ECH1: variants seen among roughly 807,000 people sequenced by gnomAD.
ECH1 encodes the protein delta(3,5)-Delta(2,4)-dienoyl-CoA isomerase, mitochondrial.
In ECH1, 30 loss-of-function variants were observed where a neutral mutation model predicts 37.0. The ratio of observed to expected loss-of-function variants is 0.81; its 90% CI spans 0.61 to 1.10. The LOEUF (loss-of-function observed/expected upper bound fraction) is 1.10, where lower values mean the gene tolerates loss of function less well. Ranked by LOEUF, ECH1 falls within the 50% of genes least tolerant of loss-of-function variation. The pLI, the probability that ECH1 is intolerant of heterozygous loss-of-function variation, is 0.00. For missense variants in ECH1, 456 were observed against 441.6 expected, an observed-to-expected ratio of 1.03 and a Z score of -0.29; for synonymous variants, 178 against 176.0, an observed-to-expected ratio of 1.01 and a Z score of -0.09.
rs372148566 is a variant in ECH1, at chr19:38,819,220, T to G, written c.350-1645A>C. 28 of 985,262 alleles carry G rather than the reference T, an allele frequency of 2.8e-5. No homozygotes were observed. The African/African-American group carries it at 4.0e-4, about 14-fold the overall frequency. 61.0% of individuals were successfully genotyped at this position (985,262 alleles called of 1,614,324 possible). A position where few individuals can be genotyped will look rare whatever the true frequency, so the allele number is the denominator to read the frequency against. On this transcript the variant is annotated intron_variant, in intron 3 of 9. Coordinates refer to ENST00000221418, the MANE Select transcript of ECH1 (RefSeq NM_001398.3). ...GTGCAGTGGTACAGAATCTTCTCAT[T>G]GAGAAGGTGACCTTGAGTAAAGACC...
chr19:38,817,770 T>A (rs1400760926), intron 3 of ECH1, 195 bp from the exon 4 acceptor site: 1 of 983,734 alleles, frequency 1.0e-6, no homozygotes, highest in African/African-American at 1.8e-5. Flanking sequence ...ATTTGTGGAG[T>A]CATTACTCAC....
At chr19:38,828,418 G>A (rs1052537226) in intron 3 of ECH1, among the ~76,000 whole-genome samples, 1 of 151,282 alleles carries the variant, frequency 6.6e-6, no homozygotes, top group Non-Finnish European at 1.5e-5. Flanking sequence ...TTTTAGTACA[G>A]ACGGGGTTTC....
intron 3 of ECH1, among the ~76,000 whole-genome samples, chr19:38,824,188 G>A (rs1227469626): frequency 1.3e-5 from 2 of 152,176 alleles, no homozygotes; most frequent in African/African-American, 4.8e-5. Context: ...CATCTTTATA[G>A]GACAGGGGTA....
chr19:38,818,924 T>C (rs982674975), intron 3 of ECH1, among the ~76,000 whole-genome samples: 4 of 127,404 alleles, frequency 3.1e-5, no homozygotes, highest in Non-Finnish European at 5.1e-5. Flanking sequence ...TGTGTGTGTG[T>C]GTGTGTGTGC....
chr19:38,825,586 T>C (rs914550401), intron 3 of ECH1, among the ~76,000 whole-genome samples: 1 of 152,158 alleles, frequency 6.6e-6, no homozygotes, highest in African/African-American at 2.4e-5. Flanking sequence ...CAGTGTTCTA[T>C]AATAGGGACC....
intron 3 of ECH1, among the ~76,000 whole-genome samples, chr19:38,823,693 C>T (rs904262995): frequency 5.9e-5 from 9 of 152,218 alleles, no homozygotes; most frequent in Non-Finnish European, 4.4e-5. Context: ...ACAACAAGTT[C>T]GTTGACCCTG....
chr19:38,815,446 T>C lies in ECH1; in HGVS notation c.*167A>G, dbSNP rs1138526. 2 of 644,306 alleles carry C rather than the reference T, an allele frequency of 3.1e-6. No individual in the cohort carries two copies. Among genetic ancestry groups the C allele is most frequent in the African/African-American group, 3.7e-5 (2 of 54,756 alleles). 39.9% of individuals were successfully genotyped at this position (644,306 alleles called of 1,614,324 possible). A position where few individuals can be genotyped will look rare whatever the true frequency, so the allele number is the denominator to read the frequency against. On this transcript the variant is annotated 3_prime_UTR_variant, in exon 10 of 10. Coordinates refer to ENST00000221418, the MANE Select transcript of ECH1 (RefSeq NM_001398.3). ...GTTCTTTACTTTGCTTTATTGTTTGTGGGGTGAAGATAAGGCCTTGGGCTT... is the reference window on the plus strand; with the variant it reads ...GTTCTTTACTTTGCTTTATTGTTTGCGGGGTGAAGATAAGGCCTTGGGCTT...
At position 38,815,925 on chromosome 19, in the gene ECH1, C is replaced by A. The variant is rs775929230; in HGVS notation, c.814G>T (p.Val272Leu). Residue 272 changes from valine (V) to leucine (L), a missense_variant, in exon 9 of 10, where the codon GTG becomes TTG. Transcript: ENST00000221418. ...AGCAGGTTGACCTTGGTGCTCTGCA[C>A]CGCCACGGGGCTCTTGCTGGAAATC... ...AEISSKSPVAVQSTKVNLLYS... is the reference protein window; with the variant it reads ...AEISSKSPVALQSTKVNLLYS... 6.2e-7 allele frequency: 1 copy of A among 1,614,186 alleles called. No homozygotes were observed. The highest frequency in any genetic ancestry group is 8.5e-7 in the Non-Finnish European group (1 of 1,180,032).
intron 3 of ECH1, chr19:38,818,162 G>GT (rs1971606662): frequency 1.1e-6 from 1 of 932,356 alleles, no homozygotes; most frequent in Non-Finnish European, 1.3e-6. Context: ...CGCATCAGAA[G>GT]TAGGATTTTA....
chr19:38,817,831 C>T (rs1971602733), intron 3 of ECH1: 1 of 897,130 alleles, frequency 1.1e-6, no homozygotes, highest in Non-Finnish European at 1.3e-6. Context: ...ATTTGTGTTA[C>T]CAATGGGTAA....
chr19:38,831,732 A>T lies in ECH1; in HGVS notation c.41T>A (p.Leu14Gln), dbSNP rs1406930662. Residue 14 changes from leucine (L) to glutamine (Q), a missense_variant, in exon 1 of 10, where the codon CTA becomes CAA. Physicochemically the swap from Leu to Gln is moderately radical, Grantham distance 113. Coordinates refer to ENST00000221418, the MANE Select transcript of ECH1 (RefSeq NM_001398.3). ...GIVASRRLRD[L>Q]LTRRLTGSNY... Reference sequence around the variant, plus strand: ...AAGAGGTGACTCACGCCGGGTCAGTAGGTCGCGGAGTCTGCGAGAAGCCAC... The same window carrying T: ...AAGAGGTGACTCACGCCGGGTCAGTTGGTCGCGGAGTCTGCGAGAAGCCAC... 1.9e-6 allele frequency: 3 copies of T among 1,613,626 alleles called. No individual in the cohort carries two copies. The highest frequency in any genetic ancestry group is 2.5e-6 in the Non-Finnish European group (3 of 1,179,908).
At chr19:38,825,963 T>C (rs975452962) in intron 3 of ECH1, among the ~76,000 whole-genome samples, 4 of 152,160 alleles carry the variant, frequency 2.6e-5, no homozygotes, top group East Asian at 1.9e-4. Flanking sequence ...GTTTAACCAT[T>C]GAGGGCCAGG....
At chr19:38,822,603 T>C (rs1971679949) in intron 3 of ECH1, among the ~76,000 whole-genome samples, 1 of 152,200 alleles carries the variant, frequency 6.6e-6, no homozygotes, top group Admixed American at 6.5e-5. Context: ...ACCCTGTGTC[T>C]AGCTCAAGGT....
At chr19:38,824,122 T>C (rs1005062906) in intron 3 of ECH1, among the ~76,000 whole-genome samples, 2 of 152,316 alleles carry the variant, frequency 1.3e-5, no homozygotes, top group Admixed American at 1.3e-4. Context: ...CTTCCAACCC[T>C]GGAGATCCCT....
At chr19:38,825,684 C>T (rs544163752) in intron 3 of ECH1, among the ~76,000 whole-genome samples, 2 of 152,264 alleles carry the variant, frequency 1.3e-5, no homozygotes, top group Admixed American at 1.3e-4. Context: ...CTTAGTGGTT[C>T]AGAGAGGACA....
intron 3 of ECH1, chr19:38,818,392 G>A (rs752018672): frequency 3.7e-5 from 36 of 985,230 alleles, no homozygotes; most frequent in Non-Finnish European, 4.3e-5. Flanking sequence ...AGCCCACCCT[G>A]CTCTCCCTGT....
At chr19:38,821,580 C>T (rs1309376120) in intron 3 of ECH1, among the ~76,000 whole-genome samples, 4 of 152,304 alleles carry the variant, frequency 2.6e-5, no homozygotes, top group South Asian at 2.1e-4. Context: ...TCGGCGACCC[C>T]GCACTCGGAG....
At chr19:38,831,276 C>T (rs757291201) in intron 2 of ECH1, 33 bp downstream of exon 2, 5 of 1,606,492 alleles carry the variant, frequency 3.1e-6, no homozygotes, top group East Asian at 2.2e-5. Context: ...CGCCTCCCCC[C>T]GCAGGCAGGC....
At chr19:38,817,869 G>A in intron 3 of ECH1, 1 of 519,752 alleles carries the variant, frequency 1.9e-6, no homozygotes, top group Non-Finnish European at 2.5e-6. Context: ...TTAAGCACTT[G>A]CCCAAGGGGG....
Sources: gnomAD v4.1 joint callset for allele counts (sites outside exome capture counted in the v4.1 genomes callset) on GRCh38, gnomAD v4.1.1 for gene constraint, MANE v1.5 for transcripts, NCBI Gene and HGNC (gene_info 2026-07-23, HGNC 2026-07-21) for gene names.